Variants in PWWP3A observed in about 807,000 individuals in gnomAD.
The protein encoded by PWWP3A is PWWP domain-containing DNA repair factor 3A.
PWWP3A carries 53 observed loss-of-function variants against 79.0 expected under a neutral mutation model. The observed-to-expected ratio is 0.67, with a 90% CI of 0.54 to 0.84. The LOEUF is 0.84. Ranked by LOEUF, PWWP3A falls within the 40% of genes least tolerant of loss-of-function variation. PWWP3A has a pLI of 0.00. For synonymous variants in PWWP3A, 443 were observed against 394.4 expected (o/e 1.12, Z -1.46); for missense variants, 973 against 948.0 (o/e 1.03, Z -0.35).
intron 13 of PWWP3A, among the ~76,000 whole-genome samples, chr19:1,375,395 C>CAT (rs1258708991): frequency 7.7e-5 from 10 of 130,474 alleles, no homozygotes; most frequent in East Asian, 4.0e-4. Context: ...ACTGCCCTCT[C>CAT]ATATATATAT....
At position 1,369,087 on chromosome 19, in the gene PWWP3A, C is replaced by T; in HGVS notation, c.1423-178C>T. ...TGTGCCTGGTGCGTTTCCCATTTAC[C>T]AGAGGGTCCCTGTGCGAGGCGTCTG... is the stretch of plus-strand genomic sequence containing the variant. On this transcript the variant is annotated intron_variant, in intron 9 of 13. Coordinates refer to ENST00000591337, the MANE Select transcript of PWWP3A (RefSeq NM_001369789.1). The surrounding 1 kb of genome is among the most constrained non-coding windows in gnomAD (Gnocchi z 4.0). 1.7e-6 allele frequency: 1 copy of T among 601,494 alleles called. No individual in the cohort carries two copies. The highest frequency in any genetic ancestry group is 2.9e-5 in the East Asian group (1 of 34,548). 37.3% of individuals were successfully genotyped at this position (601,494 alleles called of 1,614,324 possible).
At position 1,360,532 on chromosome 19, in the gene PWWP3A, C is replaced by G; in HGVS notation, c.611C>G (p.Ser204Cys). Residue 204 changes from serine (S) to cysteine (C), a missense_variant, in exon 5 of 14, where the codon TCC (serine) becomes TGC (cysteine). Coordinates refer to ENST00000591337, the MANE Select transcript of PWWP3A (RefSeq NM_001369789.1). This position sits in a 1 kb window ranked among gnomAD's most constrained non-coding sequence, Gnocchi z 4.4. ...GGTGGTGCCCAAGATGAGAGTGGGTCCAGAATCCACCACAAAAATTGGACT... is the reference window on the plus strand; with the variant it reads ...GGTGGTGCCCAAGATGAGAGTGGGTGCAGAATCCACCACAAAAATTGGACT... ...AGGGAQDESGSRIHHKNWTLA... is the reference protein window; with the variant it reads ...AGGGAQDESGCRIHHKNWTLA... 1 of 1,614,160 alleles carries G rather than the reference C, an allele frequency of 6.2e-7. No homozygotes were observed. Among genetic ancestry groups the G allele is most frequent in the Non-Finnish European group, 8.5e-7 (1 of 1,180,034 alleles).
rs2082126996 is a variant in PWWP3A, at chr19:1,366,310, A to G, written c.1290A>G (p.Lys430=). 1 of 1,614,042 alleles carries G rather than the reference A, an allele frequency of 6.2e-7. No homozygotes were observed. Among genetic ancestry groups the G allele is most frequent in the Admixed American group, 1.7e-5 (1 of 60,012 alleles). ...KKYPFWPAVV[K]SVRQRDKKAS... is the part of the protein sequence containing the mutation. ...TTTCTTGGATTTGTGAACAGGTCAAAAGCGTCAGGCAGAGAGATAAGAAAG... is the reference window on the plus strand; with the variant it reads ...TTTCTTGGATTTGTGAACAGGTCAAGAGCGTCAGGCAGAGAGATAAGAAAG... Residue 430 remains lysine (K), a synonymous_variant, in exon 8 of 14, where the codon AAA becomes AAG. Transcript: ENST00000591337.
chr19:1,361,152 T>C (rs1038629784), intron 5 of PWWP3A, 120 bp downstream of exon 5: 123 of 1,011,260 alleles, frequency 1.2e-4, no homozygotes, highest in Admixed American at 4.6e-4. Flanking sequence ...GTTGCCAAAA[T>C]AGACTTAGAG....
chr19:1,355,005 G>T lies in PWWP3A; in HGVS notation c.-200G>T. 1 of 149,960 alleles carries T rather than the reference G, an allele frequency of 6.7e-6. No individual in the cohort carries two copies. Among genetic ancestry groups the T allele is most frequent in the South Asian group, 1.8e-4 (1 of 5,672 alleles). The allele number at this position is 149,960 out of a possible 1,614,324, so 9.3% of individuals were successfully genotyped here. A position where few individuals can be genotyped will look rare whatever the true frequency, so the allele number is the denominator to read the frequency against. On this transcript the variant is annotated 5_prime_UTR_variant, in exon 1 of 14. Coordinates refer to ENST00000591337, the MANE Select transcript of PWWP3A (RefSeq NM_001369789.1). Reference sequence around the variant, plus strand: ...GGGGAGCGGCGGCGGCGGCGGCGGCGGCGGTGGCGGAGGCGGTGAGCGCGG... The same window carrying T: ...GGGGAGCGGCGGCGGCGGCGGCGGCTGCGGTGGCGGAGGCGGTGAGCGCGG...
rs764400849 is a variant in PWWP3A at position 1,377,906 on chromosome 19, G to C, written c.*1330G>C. 1 of 152,266 alleles carries C rather than the reference G, an allele frequency of 6.6e-6. No individual in the cohort carries two copies. Among genetic ancestry groups the C allele is most frequent in the Non-Finnish European group, 1.5e-5 (1 of 68,060 alleles). The allele number at this position is 152,266 out of a possible 1,614,324, so 9.4% of individuals were successfully genotyped here. Reference sequence around the variant, plus strand: ...TTGTCTCAGATGCAGGGCGCTGTGCGGGACGAAGCCGCAAGGACTCTCGTA... The same window carrying C: ...TTGTCTCAGATGCAGGGCGCTGTGCCGGACGAAGCCGCAAGGACTCTCGTA... On this transcript the variant is annotated 3_prime_UTR_variant, in exon 14 of 14. Coordinates refer to ENST00000591337, the MANE Select transcript of PWWP3A (RefSeq NM_001369789.1).
chr19:1,369,536 C>T lies in PWWP3A; in HGVS notation c.1499-60C>T, dbSNP rs987432568. 4.2e-5 allele frequency: 66 copies of T among 1,586,150 alleles called. No homozygotes were observed. In the East Asian group the frequency reaches 1.4e-3, roughly 33 times the overall value. ...AGAGACGCCGGGCCAGCCCCTGGAA[C>T]ACACTTCCTGGGACTCCTCTTAGGT... is the stretch of plus-strand genomic sequence containing the variant. On this transcript the variant is annotated intron_variant, in intron 10 of 13. Transcript: ENST00000591337. This position sits in a 1 kb window ranked among gnomAD's most constrained non-coding sequence, Gnocchi z 4.0.
chr19:1,376,656 G>T lies in PWWP3A; in HGVS notation c.*80G>T. ...TGCATGAGCGTGTCTGAAGATGGGG[G>T]GCTCAGGGGGCACGTTTGCGTTTGG... is the stretch of plus-strand genomic sequence containing the variant. On this transcript the variant is annotated 3_prime_UTR_variant, in exon 14 of 14. Coordinates refer to ENST00000591337, the MANE Select transcript of PWWP3A (RefSeq NM_001369789.1). 1 of 1,402,492 alleles carries T rather than the reference G, an allele frequency of 7.1e-7. No homozygotes were observed. Among genetic ancestry groups the T allele is most frequent in the Non-Finnish European group, 1.0e-6 (1 of 1,000,158 alleles). The allele number at this position is 1,402,492 out of a possible 1,614,324, so 86.9% of individuals were successfully genotyped here.
intron 4 of PWWP3A, 149 bp from the exon 5 acceptor site, chr19:1,359,987 T>C (rs2081973162): frequency 8.1e-6 from 6 of 739,390 alleles, no homozygotes; most frequent in Middle Eastern, 3.4e-4. Flanking sequence ...TTTGGGAAAA[T>C]GTAGGTGAGA....
At position 1,369,249 on chromosome 19, in the gene PWWP3A, C is replaced by T; in HGVS notation, c.1423-16C>T. ...ACTGCCTCCCACTGACGCCTGCTGC[C>T]CGGATCTCATTGTAGAATCAAGCCA... On this transcript the variant is annotated splice_polypyrimidine_tract_variant and intron_variant, in intron 9 of 13. Coordinates refer to ENST00000591337, the MANE Select transcript of PWWP3A (RefSeq NM_001369789.1). The surrounding 1 kb of genome is among the most constrained non-coding windows in gnomAD (Gnocchi z 4.0). 1 of 1,613,806 alleles carries T rather than the reference C, an allele frequency of 6.2e-7. No individual in the cohort carries two copies. Among genetic ancestry groups the T allele is most frequent in the Non-Finnish European group, 8.5e-7 (1 of 1,179,876 alleles).
intron 3 of PWWP3A, chr19:1,357,904 C>T (rs563358206): frequency 1.2e-5 from 2 of 163,130 alleles, no homozygotes; most frequent in Admixed American, 1.2e-4. Context: ...CCACTCCCTC[C>T]TGCCTGCATC....
chr19:1,376,468 CT>C (rs1568969354), intron 13 of PWWP3A, 50 bp from the exon 14 acceptor site: 2 of 1,589,486 alleles, frequency 1.3e-6, no homozygotes, highest in Non-Finnish European at 1.7e-6. Flanking sequence ...CTCTCATATT[CT>C]TTAACACACA....
intron 12 of PWWP3A, chr19:1,372,856 A>G (rs2082291228): frequency 3.7e-6 from 2 of 543,168 alleles, no homozygotes; most frequent in Non-Finnish European, 6.5e-6. Flanking sequence ...GATCTGAGCT[A>G]TTGTGTCTAG....
In PWWP3A at chr19:1,370,800, C is replaced by T. The variant is rs867724552; in HGVS notation, c.1708C>T (p.Arg570Trp). Residue 570 changes from arginine to tryptophan, a missense_variant, in exon 12 of 14, where the codon CGG (arginine) becomes TGG (tryptophan). Arg to Trp is a moderately radical substitution (Grantham distance 101). Coordinates refer to ENST00000591337, the MANE Select transcript of PWWP3A (RefSeq NM_001369789.1). ...CGACCGCTCGCGGGCCGCCCGGGAC[C>T]GGGCCAACCAGAAGCTGGTGGAGTA... ...LPDRSRAARD[R>W]ANQKLVEYIV... The T allele has an allele frequency of 5.1e-6, 8 of 1,560,832 alleles. No individual in the cohort carries two copies. The African/African-American group carries it at 5.4e-5, about 11-fold the overall frequency.
rs925933496 is a variant in PWWP3A at position 1,370,928 on chromosome 19, G to T, written c.1836G>T (p.Val612=). 6.4e-7 allele frequency: 1 copy of T among 1,556,288 alleles called. No individual in the cohort carries two copies. Among genetic ancestry groups the T allele is most frequent in the Non-Finnish European group, 8.7e-7 (1 of 1,149,454 alleles). ...CCTTCCTGAGCTCCAGCCAGTACGT[G>T]ACCTGTGTGGAGACCTACCTGGAGG... ...LQTFLSSSQY[V]TCVETYLEDE... Residue 612 remains valine, a synonymous_variant, in exon 12 of 14, where the codon GTG becomes GTT. Coordinates refer to ENST00000591337, the MANE Select transcript of PWWP3A (RefSeq NM_001369789.1).
rs1487243299 is a variant in PWWP3A at position 1,377,981 on chromosome 19, C to T, written c.*1405C>T. On this transcript the variant is annotated 3_prime_UTR_variant, in exon 14 of 14. Transcript: ENST00000591337. ...GCCAGAGGCGGCGGCTGCTCTGGAC[C>T]TCGGTGTTCACTGACCTTTGTTTCA... 6.6e-6 allele frequency: 1 copy of T among 152,284 alleles called. No individual in the cohort carries two copies. The highest frequency in any genetic ancestry group is 1.5e-5 in the Non-Finnish European group (1 of 68,078). 9.4% of individuals were successfully genotyped at this position (152,284 alleles called of 1,614,324 possible).
chr19:1,376,453 C>T (rs1335671917), intron 13 of PWWP3A, 66 bp from the exon 14 acceptor site: 16 of 1,537,612 alleles, frequency 1.0e-5, no homozygotes, highest in Non-Finnish European at 1.3e-5. Flanking sequence ...CACACCCAGT[C>T]CTCTCTCTCA....
chr19:1,371,068 T>C lies in PWWP3A; in HGVS notation c.1976T>C (p.Leu659Pro). The C allele has an allele frequency of 6.4e-7, 1 of 1,563,666 alleles. No homozygotes were observed. The change falls in exon 12 of 14, where the codon CTT becomes CCT. Residue 659 changes from leucine to proline, a missense_variant. Transcript: ENST00000591337. ...GDRIRFILDV[L>P]LPEAIICAIS... ...CGGATCCGGTTCATTCTGGACGTGCTTCTGCCCGAGGTGAGCCGCGGACCG... is the reference window on the plus strand; with the variant it reads ...CGGATCCGGTTCATTCTGGACGTGCCTCTGCCCGAGGTGAGCCGCGGACCG...
intron 13 of PWWP3A, among the ~76,000 whole-genome samples, chr19:1,375,693 A>G (rs2074151470): frequency 1.1e-5 from 1 of 91,416 alleles, no homozygotes; most frequent in African/African-American, 4.0e-5. Context: ...TAATATATAA[A>G]ACAATTTAAT....
Sources: gnomAD v4.1 joint callset for allele counts (sites outside exome capture counted in the v4.1 genomes callset) on GRCh38, gnomAD v4.1.1 for gene constraint, Gnocchi (gnomAD v3.1) non-coding constraint, MANE v1.5 for transcripts, NCBI Gene and HGNC (gene_info 2026-07-23, HGNC 2026-07-21) for gene names.